The following MEP1A variants were observed in gnomAD, a reference collection of about 807,000 sequenced individuals.
MEP1A encodes the protein N-benzoyl-L-tyrosyl-P-amino-benzoic acid hydrolase subunit alpha.
MEP1A carries 68 observed loss-of-function variants against 84.5 expected under a neutral mutation model. The observed-to-expected ratio is 0.80, with a 90% confidence interval of 0.66 to 0.98. The LOEUF (loss-of-function observed/expected upper bound fraction) is 0.98, where lower values mean the gene tolerates loss of function less well. MEP1A is among the 50% of genes least tolerant of loss of function. The pLI is 0.00. For synonymous variants in MEP1A, 337 were observed against 336.8 expected (o/e 1.00, Z -0.01); for missense variants, 887 against 919.9 (o/e 0.96, Z 0.46).
Position 46,799,117 on chromosome 6 carries a change from T to C in MEP1A, c.198T>C (p.Asn66=). 1 of 1,612,448 alleles carries C rather than the reference T, an allele frequency of 6.2e-7. No homozygotes were observed. Among genetic ancestry groups the C allele is most frequent in the Non-Finnish European group, 8.5e-7 (1 of 1,178,486 alleles). ...CTTTGTTTTCACAGAAATCCAGAAA[T>C]GGCCTGAGAGACCCAAACACCAGGT... ...QGDILLQKSR[N]GLRDPNTRWT... is the part of the protein sequence containing the mutation. Residue 66 remains asparagine, a synonymous_variant, in exon 5 of 14, where the codon AAT becomes AAC. Coordinates refer to ENST00000230588, the MANE Select transcript of MEP1A (RefSeq NM_005588.3).
At chr6:46,804,568 C>T (rs1257572352) in intron 5 of MEP1A, among the ~76,000 whole-genome samples, 2 of 151,592 alleles carry the variant, frequency 1.3e-5, no homozygotes, top group African/African-American at 4.8e-5. Context: ...ACACTTTACC[C>T]CAGTCACCTA....
At chr6:46,840,035 G>GAA (rs56187349), downstream of MEP1A, among the ~76,000 whole-genome samples, 1 of 117,076 alleles carries the variant, frequency 8.5e-6, no homozygotes, top group Non-Finnish European at 1.8e-5. Flanking sequence ...TAGAGCAAGT[G>GAA]AAAAAAAAAA....
chr6:46,793,590 C>T lies in MEP1A; in HGVS notation c.94+14C>T. On this transcript the variant is annotated intron_variant, in intron 2 of 13. Coordinates refer to ENST00000230588, the MANE Select transcript of MEP1A (RefSeq NM_005588.3). ...CTGAAGAAAATGGTAAGAATTAGTT[C>T]AAATGCACAGAGAGTGTTTTTGAAC... The T allele has an allele frequency of 6.4e-7, 1 of 1,557,540 alleles. No individual in the cohort carries two copies. The highest frequency in any genetic ancestry group is 8.8e-7 in the Non-Finnish European group (1 of 1,138,798).
intron 13 of MEP1A, among the ~76,000 whole-genome samples, chr6:46,837,947 A>G (rs752418672): frequency 2.0e-5 from 3 of 150,880 alleles, no homozygotes; most frequent in Non-Finnish European, 4.4e-5. Flanking sequence ...GCTGGAGTGC[A>G]ATGGCACGAT....
At chr6:46,836,888 G>A (rs1243986216) in intron 13 of MEP1A, among the ~76,000 whole-genome samples, 1 of 150,626 alleles carries the variant, frequency 6.6e-6, no homozygotes, top group African/African-American at 2.4e-5. Context: ...ATGCCTTCTC[G>A]CTGCAGCGTG....
the MEP1A span, among the ~76,000 whole-genome samples, chr6:46,845,175 G>C: frequency 6.6e-6 from 1 of 152,300 alleles, no homozygotes; most frequent in Non-Finnish European, 1.5e-5. Flanking sequence ...ATACAGTGAC[G>C]TAGTGTGATC....
the MEP1A span, among the ~76,000 whole-genome samples, chr6:46,845,084 A>T: frequency 6.6e-5 from 10 of 152,212 alleles, no homozygotes; most frequent in Non-Finnish European, 1.5e-4. Context: ...AGCCTTGCAG[A>T]ACTGCTAGTC....
At position 46,798,578 on chromosome 6, in the gene MEP1A, C is replaced by CT. The variant is rs780523730; in HGVS notation, c.146-21dup. On this transcript the variant is annotated intron_variant, in intron 3 of 13. Coordinates refer to ENST00000230588, the MANE Select transcript of MEP1A (RefSeq NM_005588.3). Reference sequence around the variant, plus strand: ...TTTTAATAATGTTCACTCAAATATTCTTTTTTTAAAAAAAATTCCACTTCC... The same window carrying CT: ...TTTTAATAATGTTCACTCAAATATTCTTTTTTTTAAAAAAAATTCCACTTCC... 32 of 1,596,734 alleles carry CT rather than the reference C, an allele frequency of 2.0e-5. 1 individual carries two copies. The South Asian group carries it at 2.1e-4, about 10-fold the overall frequency.
At position 46,824,883 on chromosome 6, in the gene MEP1A, T is replaced by TATATAAATTATATATTTAA. The variant is rs1327004737; in HGVS notation, c.557-384_557-383insAATTATATATTTAAATATA. 5.0e-4 allele frequency among the ~76,000 whole-genome samples: 32 copies of TATATAAATTATATATTTAA among 63,508 alleles called. 6 individuals are homozygous for TATATAAATTATATATTTAA. The highest frequency in any genetic ancestry group is 4.4e-3 in the African/African-American group (28 of 6,362). The allele number at this position is 63,508 out of a possible 152,430, so 41.7% of individuals were successfully genotyped here. ...ATATATTTAAATAGATCTATTTAAATATATATAAATTATATATATAAATTA... is the reference window on the plus strand; with the variant it reads ...ATATATTTAAATAGATCTATTTAAATATATAAATTATATATTTAAATATATAAATTATATATATAAATTA... On this transcript the variant is annotated intron_variant, in intron 7 of 13. Coordinates refer to ENST00000230588, the MANE Select transcript of MEP1A (RefSeq NM_005588.3).
At chr6:46,796,939 GAC>G (rs1214837306) in intron 3 of MEP1A, among the ~76,000 whole-genome samples, 1 of 152,234 alleles carries the variant, frequency 6.6e-6, no homozygotes, top group Non-Finnish European at 1.5e-5. Flanking sequence ...GGGTCCTACT[GAC>G]AGTGGGACAG....
intron 7 of MEP1A, among the ~76,000 whole-genome samples, chr6:46,822,542 G>A (rs182503727): frequency 2.4e-4 from 37 of 152,128 alleles, no homozygotes; most frequent in Admixed American, 1.3e-3. Context: ...CTAACCTGAT[G>A]GGATTTTTGT....
chr6:46,826,232 T>C lies in MEP1A; in HGVS notation c.779-122T>C, dbSNP rs1767941757. 1.7e-5 allele frequency: 15 copies of C among 871,628 alleles called. No homozygotes were observed. In the South Asian group the frequency reaches 1.9e-4, roughly 11 times the overall value. 54.0% of individuals were successfully genotyped at this position (871,628 alleles called of 1,614,324 possible). A position where few individuals can be genotyped will look rare whatever the true frequency, so the allele number is the denominator to read the frequency against. On this transcript the variant is annotated intron_variant, in intron 8 of 13. Coordinates refer to ENST00000230588, the MANE Select transcript of MEP1A (RefSeq NM_005588.3). Reference sequence around the variant, plus strand: ...AGTAAGATTTGCATTTGAGAAAAAGTCAAGATAACAAGCTTGTGATCCTGT... The same window carrying C: ...AGTAAGATTTGCATTTGAGAAAAAGCCAAGATAACAAGCTTGTGATCCTGT...
chr6:46,838,590 T>G (rs1768268201), intron 13 of MEP1A, among the ~76,000 whole-genome samples: 1 of 152,250 alleles, frequency 6.6e-6, no homozygotes, highest in Non-Finnish European at 1.5e-5. Flanking sequence ...GTAGCTTATA[T>G]TCTCAGCCAG....
chr6:46,793,424 T>C lies in MEP1A; in HGVS notation c.26T>C (p.Ile9Thr). Residue 9 changes from isoleucine to threonine, a missense_variant, in exon 1 of 14, where the codon ATT becomes ACT. Ile to Thr is a moderately conservative substitution (Grantham distance 89). Transcript: ENST00000230588. The part of the protein sequence containing the change: MAWIRSTC[I>T]LFFTLLFAHI... The stretch of plus-strand genomic sequence containing the variant: ...ATGGCTTGGATTAGATCCACTTGCA[T>C]TCTCTTTTTTACCTTGCTTTTTGCC... 6.3e-7 allele frequency: 1 copy of C among 1,597,542 alleles called. No homozygotes were observed. The highest frequency in any genetic ancestry group is 1.8e-5 in the Admixed American group (1 of 55,236).
chr6:46,819,450 A>G (rs529077163), intron 6 of MEP1A, 79 bp from the exon 7 acceptor site: 1 of 1,180,342 alleles, frequency 8.5e-7, no homozygotes, highest in African/African-American at 1.5e-5. Flanking sequence ...TTTCCTCCTA[A>G]TTTGTGTTTT....
At chr6:46,813,451 A>G (rs893082120) in intron 6 of MEP1A, among the ~76,000 whole-genome samples, 1 of 152,130 alleles carries the variant, frequency 6.6e-6, no homozygotes, top group African/African-American at 2.4e-5. Flanking sequence ...GAGTACAAAT[A>G]GACAATTCTG....
chr6:46,816,204 C>T (rs938576305), intron 6 of MEP1A, among the ~76,000 whole-genome samples: 9 of 152,242 alleles, frequency 5.9e-5, no homozygotes, highest in African/African-American at 1.7e-4. Flanking sequence ...TCCGAAAGTG[C>T]TGGGATTACA....
At chr6:46,838,690 A>G (rs573879223) in intron 13 of MEP1A, among the ~76,000 whole-genome samples, 2 of 152,290 alleles carry the variant, frequency 1.3e-5, no homozygotes, top group African/African-American at 4.8e-5. Context: ...ATACCTCTTG[A>G]GATTAGATTT....
chr6:46,809,622 G>A, intron 6 of MEP1A, 85 bp downstream of exon 6: 1 of 825,176 alleles, frequency 1.2e-6, no homozygotes, highest in Admixed American at 2.1e-5. Context: ...AAAGTCCAAT[G>A]TATCATTCTT....
Sources: allele counts gnomAD v4.1 joint callset (sites outside exome capture counted in the v4.1 genomes callset), GRCh38; gene constraint gnomAD v4.1.1; transcripts MANE v1.5; gene names NCBI Gene and HGNC (gene_info 2026-07-23, HGNC 2026-07-21).